The following MGLL variants were observed in gnomAD, a reference collection of about 807,000 sequenced individuals.
MGLL encodes the protein monoglyceride lipase.
In MGLL, 7 loss-of-function variants were observed where a neutral mutation model predicts 29.1. That is an observed-to-expected ratio of 0.24 (90% CI 0.14 to 0.45). MGLL has a LOEUF of 0.45. Ranked by LOEUF, MGLL falls within the 20% of genes least tolerant of loss-of-function variation. The probability of loss-of-function intolerance (pLI) is 0.99; values close to 1 mark genes in which losing one functional copy is unlikely to be tolerated. For missense variants in MGLL, 356 were observed against 413.6 expected (o/e 0.86, Z 1.21); for synonymous variants, 148 against 168.3 (o/e 0.88, Z 0.93).
intron 3 of MGLL, among the ~76,000 whole-genome samples, chr3:127,753,761 C>T (rs2076603217): frequency 6.6e-6 from 1 of 152,242 alleles, no homozygotes. Context: ...AATGTTCCTT[C>T]TGCATTTGGG....
chr3:127,692,498 G>A (rs529136134), intron 7 of MGLL, among the ~76,000 whole-genome samples, 175 bp from the exon 8 acceptor site: 3 of 152,296 alleles, frequency 2.0e-5, no homozygotes, highest in African/African-American at 7.2e-5. Context: ...ATCAGAAGAT[G>A]GTTCAAATGT....
At chr3:127,723,990 T>C (rs772960275) in intron 3 of MGLL, among the ~76,000 whole-genome samples, 1 of 152,102 alleles carries the variant, frequency 6.6e-6, no homozygotes, top group South Asian at 2.1e-4. Flanking sequence ...AACCCAGACA[T>C]AGAGGGAAGA....
At chr3:127,775,526 G>A (rs974140890) in intron 3 of MGLL, among the ~76,000 whole-genome samples, 2 of 151,876 alleles carry the variant, frequency 1.3e-5, no homozygotes, top group Admixed American at 6.6e-5. Flanking sequence ...AGAACCACGC[G>A]TAACTGCCGC....
intron 2 of MGLL, among the ~76,000 whole-genome samples, chr3:127,820,622 GATTA>G (rs1421820425): frequency 2.6e-5 from 4 of 152,204 alleles, no homozygotes; most frequent in African/African-American, 9.7e-5. Flanking sequence ...GAGAATTAAT[GATTA>G]ATTAGCATCA....
intron 3 of MGLL, among the ~76,000 whole-genome samples, chr3:127,750,833 C>T (rs190730582): frequency 1.1e-4 from 16 of 152,346 alleles, no homozygotes; most frequent in Non-Finnish European, 2.2e-4. Flanking sequence ...GTACAGAAAG[C>T]ATGAAGACAA....
chr3:127,722,818 C>T (rs1205552321), intron 3 of MGLL, among the ~76,000 whole-genome samples: 1 of 152,216 alleles, frequency 6.6e-6, no homozygotes, highest in African/African-American at 2.4e-5. Flanking sequence ...CAGGGTGTAC[C>T]TACTACAAAG....
chr3:127,783,412 G>A (rs578161183), intron 2 of MGLL, among the ~76,000 whole-genome samples: 1 of 152,160 alleles, frequency 6.6e-6, no homozygotes, highest in African/African-American at 2.4e-5. Context: ...TTCTCTAGTT[G>A]CCTGCCTGCT....
At chr3:127,816,520 C>A (rs1364429808) in intron 2 of MGLL, among the ~76,000 whole-genome samples, 1 of 152,174 alleles carries the variant, frequency 6.6e-6, no homozygotes, top group Non-Finnish European at 1.5e-5. Context: ...TTTCCCAGAG[C>A]CACAGGTGCC....
At chr3:127,796,092 C>G (rs765550522) in intron 2 of MGLL, among the ~76,000 whole-genome samples, 1 of 152,178 alleles carries the variant, frequency 6.6e-6, no homozygotes, top group Admixed American at 6.5e-5. Flanking sequence ...GCCCCCTCCC[C>G]GCCCCACCAC....
chr3:127,747,309 C>A (rs2076466447), intron 3 of MGLL, among the ~76,000 whole-genome samples: 1 of 152,156 alleles, frequency 6.6e-6, no homozygotes, highest in Non-Finnish European at 1.5e-5. Context: ...AAACACCCCT[C>A]CACCCTGTGG....
In MGLL at chr3:127,692,017, G is replaced by A. The variant is rs2075254948; in HGVS notation, c.*181C>T. The A allele has an allele frequency of 2.6e-6, 2 of 772,140 alleles. No individual in the cohort carries two copies. Among genetic ancestry groups the A allele is most frequent in the Non-Finnish European group, 4.0e-6 (2 of 494,238 alleles). 47.8% of individuals were successfully genotyped at this position (772,140 alleles called of 1,614,324 possible). ...GTGTCTAACCATTAAGGTAGGTCCA[G>A]TGTCTGATAGTCTAATGTATAACAA... On this transcript the variant is annotated 3_prime_UTR_variant, in exon 8 of 8. Coordinates refer to ENST00000265052, the MANE Select transcript of MGLL (RefSeq NM_007283.7).
At chr3:127,720,267 G>C (rs1174561321) in intron 5 of MGLL, among the ~76,000 whole-genome samples, 1 of 152,204 alleles carries the variant, frequency 6.6e-6, no homozygotes, top group Non-Finnish European at 1.5e-5. Context: ...GCCCAGCACT[G>C]GGGTGAGACT....
upstream of MGLL, chr3:127,822,714 G>A (rs1287159629): frequency 4.0e-6 from 1 of 249,164 alleles, no homozygotes; most frequent in African/African-American, 2.3e-5. Context: ...TCGCCCCCAA[G>A]GCTTCTCACA....
chr3:127,752,739 CT>C (rs1433100993), intron 3 of MGLL, among the ~76,000 whole-genome samples: 1 of 152,160 alleles, frequency 6.6e-6, no homozygotes, highest in African/African-American at 2.4e-5. Flanking sequence ...AGACCAATAA[CT>C]GACCCTTTCT....
At chr3:127,817,430 G>T (rs2077776738) in intron 2 of MGLL, among the ~76,000 whole-genome samples, 1 of 152,208 alleles carries the variant, frequency 6.6e-6, no homozygotes, top group Non-Finnish European at 1.5e-5. Context: ...TTGAGGGGCT[G>T]CCAGGAAGGC....
rs958552225 is a variant in MGLL, at chr3:127,748,409, AGAGAGAGAGAGAGAGAGAGG to A, written c.263-25863_263-25844del. Among the ~76,000 whole-genome samples the A allele has an allele frequency of 7.3e-5, 8 of 109,648 alleles. 1 individual carries two copies. In the South Asian group the frequency reaches 7.7e-4, roughly 11 times the overall value. The allele number at this position is 109,648 out of a possible 152,430, so 71.9% of individuals were successfully genotyped here. On this transcript the variant is annotated intron_variant, in intron 3 of 7. Coordinates refer to ENST00000265052, the MANE Select transcript of MGLL (RefSeq NM_007283.7). ...GGGAGGGAGGGAGAGAGAGAGAGAA[AGAGAGAGAGAGAGAGAGAGG>A]GAGAGAGAGAGAGAGAGAGATATTC... is the stretch of plus-strand genomic sequence containing the variant.
rs140587047 is a variant in MGLL at position 127,763,709 on chromosome 3, G to A, written c.262+18080C>T. Among the ~76,000 whole-genome samples the A allele has an allele frequency of 7.1e-3, 1,076 of 152,238 alleles. 20 individuals carry two copies. Among genetic ancestry groups the A allele is most frequent in the African/African-American group, 0.025 (1,028 of 41,536 alleles). On this transcript the variant is annotated intron_variant, in intron 3 of 7. Transcript: ENST00000265052. ...GTGGTCCTTCCCTCTGTGCTGCCTC[G>A]CTGAGCTTCCTTCCTTCCCCTCCCG...
rs188765043 is a variant in MGLL at position 127,772,501 on chromosome 3, G to A, written c.262+9288C>T. 1.7e-3 allele frequency among the ~76,000 whole-genome samples: 261 copies of A among 152,308 alleles called. 2 individuals carry two copies. The highest frequency in any genetic ancestry group is 5.9e-3 in the African/African-American group (246 of 41,570). ...TGGTGGAAGGAAGGTCACGTGAACC[G>A]TCCTGCACACTACCGCATGCAAAGC... On this transcript the variant is annotated intron_variant, in intron 3 of 7. Coordinates refer to ENST00000265052, the MANE Select transcript of MGLL (RefSeq NM_007283.7).
intron 2 of MGLL, among the ~76,000 whole-genome samples, chr3:127,798,722 C>T (rs536313133): frequency 6.6e-6 from 1 of 152,312 alleles, no homozygotes; most frequent in East Asian, 1.9e-4. Context: ...TGTCTCTGCA[C>T]TTACATCATC....
Sources: allele counts gnomAD v4.1 joint callset (sites outside exome capture counted in the v4.1 genomes callset), GRCh38; gene constraint gnomAD v4.1.1; transcripts MANE v1.5; gene names NCBI Gene and HGNC (gene_info 2026-07-23, HGNC 2026-07-21).